CFAP251: variants seen among roughly 807,000 people sequenced by gnomAD.
CFAP251 encodes cilia and flagella associated protein 251.
CFAP251 carries 93 observed loss-of-function variants against 126.7 expected under a neutral mutation model. The observed-to-expected ratio is 0.73, with a 90% CI of 0.62 to 0.87. CFAP251 has a LOEUF of 0.87. CFAP251 is among the 40% of genes least tolerant of loss of function. The pLI, the probability that CFAP251 is intolerant of heterozygous loss-of-function variation, is 0.00. For synonymous variants in CFAP251, 503 were observed against 506.9 expected, an observed-to-expected ratio of 0.99 and a Z score of 0.10; for missense variants, 1,287 against 1,389.2, an observed-to-expected ratio of 0.93 and a Z score of 1.17.
At chr12:121,944,372 A>C (rs1378200536) in intron 7 of CFAP251, among the ~76,000 whole-genome samples, 1 of 152,178 alleles carries the variant, frequency 6.6e-6, no homozygotes, top group Non-Finnish European at 1.5e-5. Context: ...CACAGTAGCC[A>C]CCAACCATAT....
chr12:121,967,699 CA>C (rs1048150523), intron 16 of CFAP251, among the ~76,000 whole-genome samples: 1 of 151,456 alleles, frequency 6.6e-6, no homozygotes, highest in Admixed American at 6.6e-5. Context: ...GAGACTCCGT[CA>C]AAAAAAAGAA....
At chr12:121,978,348 C>G (rs1169078) in intron 19 of CFAP251, among the ~76,000 whole-genome samples, 50,839 of 135,296 alleles carry the variant, frequency 0.38, 9,453 homozygotes, top group East Asian at 0.63. Flanking sequence ...GAGCCGAGAT[C>G]GTGCCACTGC....
chr12:121,996,457 C>T lies in CFAP251; in HGVS notation c.3007-3259C>T, dbSNP rs574496020. ...AAAATACTGCACAGAGAGAGGCTGA[C>T]GGCAGTGAGGAACAGTTTTGTTTGT... On this transcript the variant is annotated intron_variant, in intron 19 of 21. Transcript: ENST00000288912. Among the ~76,000 whole-genome samples, 11 of 152,280 alleles carry T rather than the reference C, an allele frequency of 7.2e-5. 1 individual carries two copies. The South Asian group carries it at 1.5e-3, about 20-fold the overall frequency.
chr12:121,946,599 T>C (rs1221721014), intron 7 of CFAP251, among the ~76,000 whole-genome samples: 1 of 152,170 alleles, frequency 6.6e-6, no homozygotes, highest in Non-Finnish European at 1.5e-5. Context: ...TGTTTTGTTT[T>C]GTTTTGTTCT....
rs536488818 is a variant in CFAP251 at position 121,991,937 on chromosome 12, G to T, written c.3007-7779G>T. On this transcript the variant is annotated intron_variant, in intron 19 of 21. Transcript: ENST00000288912. ...GGACTCAGGAGGTGGAGGTTGCTGTGATCCGAGATCACGCCACTGGACTCC... is the reference window on the plus strand; with the variant it reads ...GGACTCAGGAGGTGGAGGTTGCTGTTATCCGAGATCACGCCACTGGACTCC... 2.0e-5 allele frequency among the ~76,000 whole-genome samples: 3 copies of T among 152,202 alleles called. No homozygotes were observed. In the East Asian group the frequency reaches 5.8e-4, roughly 29 times the overall value.
intron 5 of CFAP251, among the ~76,000 whole-genome samples, chr12:121,939,127 A>G (rs906025147): frequency 1.3e-5 from 2 of 152,128 alleles, no homozygotes; most frequent in African/African-American, 4.8e-5. Flanking sequence ...ACACACGTAT[A>G]TGGATATCTT....
intron 15 of CFAP251, 124 bp from the exon 16 acceptor site, chr12:121,966,831 G>C (rs1299467914): frequency 2.6e-6 from 2 of 757,034 alleles, no homozygotes; most frequent in Non-Finnish European, 4.4e-6. Context: ...TGATCCGCCT[G>C]CCTTGGCCTC....
At chr12:121,986,106 C>T (rs1453409187) in intron 19 of CFAP251, among the ~76,000 whole-genome samples, 1 of 152,146 alleles carries the variant, frequency 6.6e-6, no homozygotes, top group Non-Finnish European at 1.5e-5. Context: ...ATTCTTCTGT[C>T]TCAGCCTCCC....
intron 1 of CFAP251, among the ~76,000 whole-genome samples, chr12:121,919,142 TA>T (rs1256216812): frequency 0.013 from 688 of 53,258 alleles, no homozygotes; most frequent in Non-Finnish European, 0.027. Flanking sequence ...TTATTATTAT[TA>T]TTTTTTTTTT....
chr12:122,001,736 C>A, intron 21 of CFAP251, 138 bp downstream of exon 21: 1 of 702,342 alleles, frequency 1.4e-6, no homozygotes, highest in Non-Finnish European at 2.6e-6. Context: ...GTTGGGAATC[C>A]CACATGAATA....
intron 4 of CFAP251, 130 bp downstream of exon 4, chr12:121,932,016 G>C: frequency 1.1e-6 from 1 of 909,080 alleles, no homozygotes; most frequent in Non-Finnish European, 1.5e-6. Flanking sequence ...GGAACTAAAA[G>C]CAAGCCTGTC....
At chr12:121,953,632 A>G (rs1881609180) in intron 9 of CFAP251, 1 of 155,048 alleles carries the variant, frequency 6.4e-6, no homozygotes, top group South Asian at 2.0e-4. Context: ...AAACCTTAGG[A>G]TCTTCTCTGT....
Position 121,975,604 on chromosome 12 carries a change from C to T in CFAP251, c.2925C>T (p.Thr975=). The change falls in exon 19 of 22, where the codon ACC becomes ACT. Residue 975 remains threonine, a synonymous_variant. Transcript: ENST00000288912. ...GTCAAGGCATCGACACAATGGAGAC[C>T]AGAAAGGTGTCAGAACACATTTGCC... is the stretch of plus-strand genomic sequence containing the variant. The part of the protein sequence containing the change: ...LRSQGIDTME[T]RKVSEHICLS... 1 of 1,604,326 alleles carries T rather than the reference C, an allele frequency of 6.2e-7. No individual in the cohort carries two copies. The highest frequency in any genetic ancestry group is 8.5e-7 in the Non-Finnish European group (1 of 1,177,618).
At chr12:121,935,342 G>A (rs886264541) in intron 5 of CFAP251, among the ~76,000 whole-genome samples, 1 of 152,174 alleles carries the variant, frequency 6.6e-6, no homozygotes, top group Non-Finnish European at 1.5e-5. Flanking sequence ...TAGTACTGAG[G>A]ATTCCCATAA....
chr12:121,986,035 A>G (rs1469330541), intron 19 of CFAP251, among the ~76,000 whole-genome samples: 1 of 152,140 alleles, frequency 6.6e-6, no homozygotes, highest in Non-Finnish European at 1.5e-5. Flanking sequence ...TGTTTTGCCC[A>G]GGCTGGTAGG....
intron 3 of CFAP251, among the ~76,000 whole-genome samples, chr12:121,930,627 T>C (rs1880644964): frequency 6.6e-6 from 1 of 152,250 alleles, no homozygotes; most frequent in South Asian, 2.1e-4. Context: ...ATTTTGGGTT[T>C]ATTCCAGGCA....
At chr12:121,921,209 A>T (rs1239743110) in intron 1 of CFAP251, 77 bp from the exon 2 acceptor site, 1 of 1,433,266 alleles carries the variant, frequency 7.0e-7, no homozygotes, top group Middle Eastern at 1.9e-4. Flanking sequence ...TGCACATTTC[A>T]TCAGTAGGTT....
chr12:121,984,829 C>G (rs1011012166), intron 19 of CFAP251, among the ~76,000 whole-genome samples: 1 of 152,204 alleles, frequency 6.6e-6, no homozygotes, highest in African/African-American at 2.4e-5. Flanking sequence ...TTCTTTTTAG[C>G]TTGCAGAGTG....
At chr12:121,943,003 C>A (rs774097784) in intron 7 of CFAP251, 28 bp downstream of exon 7, 1 of 1,612,354 alleles carries the variant, frequency 6.2e-7, no homozygotes, top group Non-Finnish European at 8.5e-7. Context: ...CTGTAAACAT[C>A]AACCTGAAGT....
Sources: gnomAD v4.1 joint callset for allele counts (sites outside exome capture counted in the v4.1 genomes callset) on GRCh38, gnomAD v4.1.1 for gene constraint, MANE v1.5 for transcripts, NCBI Gene and HGNC (gene_info 2026-07-23, HGNC 2026-07-21) for gene names.